MPP7: variants seen among roughly 807,000 people sequenced by gnomAD.
MPP7 encodes MAGUK p55 subfamily member 7.
MPP7 carries 60 observed loss-of-function variants against 76.5 expected under a neutral mutation model. That is an observed-to-expected ratio of 0.78 (90% CI 0.64 to 0.97). The LOEUF (loss-of-function observed/expected upper bound fraction) is 0.97. MPP7 is among the 50% of genes least tolerant of loss of function. The pLI is 0.00. For synonymous variants in MPP7, 237 were observed against 244.5 expected (o/e 0.97, Z 0.29); for missense variants, 641 against 694.0 (o/e 0.92, Z 0.86).
intron 1 of MPP7, among the ~76,000 whole-genome samples, chr10:28,301,194 G>C (rs1003258340): frequency 6.6e-6 from 1 of 151,944 alleles, no homozygotes; most frequent in Non-Finnish European, 1.5e-5. Context: ...AACACTTCCC[G>C]AAACAAAGTC....
intron 3 of MPP7, among the ~76,000 whole-genome samples, chr10:28,159,883 G>A (rs1040197900): frequency 6.6e-6 from 1 of 152,150 alleles, no homozygotes; most frequent in African/African-American, 2.4e-5. Context: ...AAGTTATGCA[G>A]ATTTTCCAAA....
At chr10:28,204,134 T>C (rs1418845510) in intron 2 of MPP7, among the ~76,000 whole-genome samples, 2 of 152,142 alleles carry the variant, frequency 1.3e-5, no homozygotes, top group Non-Finnish European at 2.9e-5. Context: ...AATGGTAACC[T>C]ACAGGTGTGG....
At chr10:28,280,910 T>C (rs959725141) in intron 1 of MPP7, among the ~76,000 whole-genome samples, 2 of 152,124 alleles carry the variant, frequency 1.3e-5, no homozygotes, top group African/African-American at 4.8e-5. Flanking sequence ...ATGCATGCCT[T>C]GTACACATTC....
chr10:28,121,518 C>A (rs1445997963), intron 8 of MPP7, among the ~76,000 whole-genome samples: 1 of 152,042 alleles, frequency 6.6e-6, no homozygotes, highest in Non-Finnish European at 1.5e-5. Flanking sequence ...TCTATTCTAA[C>A]TTCATTAAAA....
intron 2 of MPP7, among the ~76,000 whole-genome samples, chr10:28,317,855 C>A (rs1247638327): frequency 6.6e-6 from 1 of 152,180 alleles, no homozygotes; most frequent in East Asian, 1.9e-4. Flanking sequence ...TGTTTTCCTT[C>A]CATTTGTTGG....
intron 4 of MPP7, among the ~76,000 whole-genome samples, chr10:28,149,585 C>T (rs867826929): frequency 6.6e-6 from 1 of 152,134 alleles, no homozygotes; most frequent in Non-Finnish European, 1.5e-5. Context: ...ATGCCTCGTT[C>T]GTATCCTAGT....
rs182073286 is a variant in MPP7, at chr10:28,281,390, A to G, written c.-132+21471T>C. ...AGGCGTGAGCCACTGCACCAGGCCT[A>G]ATGGTCATTTCTAAAAAGGAAGATG... On this transcript the variant is annotated intron_variant, in intron 1 of 16. Transcript: ENST00000683449. Among the ~76,000 whole-genome samples, 375 of 152,198 alleles carry G rather than the reference A, an allele frequency of 2.5e-3. 7 individuals carry two copies. The highest frequency in any genetic ancestry group is 1.5e-3 in the Non-Finnish European group (99 of 68,022).
At chr10:28,281,840 G>T (rs1164086183) in intron 1 of MPP7, among the ~76,000 whole-genome samples, 2 of 152,076 alleles carry the variant, frequency 1.3e-5, no homozygotes, top group African/African-American at 4.8e-5. Context: ...AAGCCAACAT[G>T]TCTAGTTTTA....
chr10:28,293,298 G>T (rs1025097733), intron 1 of MPP7, among the ~76,000 whole-genome samples: 1 of 152,190 alleles, frequency 6.6e-6, no homozygotes, highest in African/African-American at 2.4e-5. Flanking sequence ...CACAGTATAC[G>T]ATAGGATATT....
chr10:28,098,524 TTATA>T (rs149673048), intron 11 of MPP7, among the ~76,000 whole-genome samples: 2,609 of 151,692 alleles, frequency 0.017, 70 homozygotes, highest in African/African-American at 0.057. Context: ...AATTACTAGA[TTATA>T]TAATTATATA....
rs187766493 is a variant in MPP7 at position 28,114,762 on chromosome 10, G to A, written c.952+4889C>T. ...AGAGTTAACCAATGCTTTCCAACCTGCATGGCATTGAGTCCCCAGGACAAA... is the reference window on the plus strand; with the variant it reads ...AGAGTTAACCAATGCTTTCCAACCTACATGGCATTGAGTCCCCAGGACAAA... On this transcript the variant is annotated intron_variant, in intron 11 of 16. Coordinates refer to ENST00000683449, the MANE Select transcript of MPP7 (RefSeq NM_001318170.2). 4.3e-3 allele frequency among the ~76,000 whole-genome samples: 649 copies of A among 152,286 alleles called. 7 individuals are homozygous for A. Among genetic ancestry groups the A allele is most frequent in the African/African-American group, 0.015 (619 of 41,560 alleles).
At chr10:28,076,839 G>A (rs913432758) in intron 12 of MPP7, among the ~76,000 whole-genome samples, 4 of 151,372 alleles carry the variant, frequency 2.6e-5, no homozygotes, top group African/African-American at 4.9e-5. Flanking sequence ...ACTGAGCTGA[G>A]ATGGCGCCAT....
At chr10:28,320,828 G>C (rs1218333547) in intron 2 of MPP7, among the ~76,000 whole-genome samples, 1 of 126,878 alleles carries the variant, frequency 7.9e-6, no homozygotes, top group Admixed American at 7.3e-5. Context: ...GCAGTTTTTT[G>C]TTTGTTTTTT....
In MPP7 at chr10:28,147,469, T is replaced by A. The variant is rs1239981155; in HGVS notation, c.315+14A>T. On this transcript the variant is annotated intron_variant, in intron 5 of 16. Transcript: ENST00000683449. ...TGTTTGAAGGTATTTATTACCGGCG[T>A]AACATGTCCTCACCTTCACATTGGG... 3 of 1,608,418 alleles carry A rather than the reference T, an allele frequency of 1.9e-6. No individual in the cohort carries two copies. Among genetic ancestry groups the A allele is most frequent in the South Asian group, 1.1e-5 (1 of 90,960 alleles).
At chr10:28,309,413 C>CAA (rs3064166) in intron 2 of MPP7, among the ~76,000 whole-genome samples, 13,564 of 130,976 alleles carry the variant, frequency 0.1, 1,012 homozygotes, top group East Asian at 0.42. Flanking sequence ...GACTCCATCT[C>CAA]AAAAAAAAAA....
intron 1 of MPP7, among the ~76,000 whole-genome samples, chr10:28,296,629 A>T (rs1430370996): frequency 6.6e-6 from 1 of 152,250 alleles, no homozygotes; most frequent in African/African-American, 2.4e-5. Context: ...CCCAATCAGT[A>T]ATAAACAAGC....
At chr10:28,093,443 CTTT>C (rs1294264349) in intron 11 of MPP7, among the ~76,000 whole-genome samples, 1 of 138,590 alleles carries the variant, frequency 7.2e-6, no homozygotes. Flanking sequence ...TTTTACTTTC[CTTT>C]TTTTTTTTTT....
At chr10:28,218,826 TTA>T (rs1294414196) in intron 2 of MPP7, among the ~76,000 whole-genome samples, 2 of 152,214 alleles carry the variant, frequency 1.3e-5, no homozygotes, top group African/African-American at 4.8e-5. Flanking sequence ...CAACAGATAC[TTA>T]TTTTAAATAC....
chr10:28,116,741 T>C (rs1337035116), intron 11 of MPP7, among the ~76,000 whole-genome samples: 2 of 152,140 alleles, frequency 1.3e-5, no homozygotes, highest in Admixed American at 1.3e-4. Context: ...CATGTTTTAG[T>C]TTTCAGGAAT....
Sources: gnomAD v4.1 joint callset for allele counts (sites outside exome capture counted in the v4.1 genomes callset) on GRCh38, gnomAD v4.1.1 for gene constraint, MANE v1.5 for transcripts, NCBI Gene and HGNC (gene_info 2026-07-23, HGNC 2026-07-21) for gene names.